Variants in VRK3 observed in about 807,000 individuals in gnomAD.
VRK3 encodes VRK serine/threonine kinase 3.
Under a neutral mutation model 60.4 loss-of-function variants are expected in VRK3, and 50 were observed. The ratio of observed to expected loss-of-function variants is 0.83; its 90% CI spans 0.66 to 1.05. The LOEUF is 1.05. Among genes scored for constraint, VRK3 ranks in the 50% least tolerant of loss-of-function variants. VRK3 has a pLI of 0.00. For synonymous variants in VRK3, 246 were observed against 227.8 expected, an observed-to-expected ratio of 1.08 and a Z score of -0.72; for missense variants, 549 against 585.3, an observed-to-expected ratio of 0.94 and a Z score of 0.64.
At chr19:49,992,656 A>ATTTT (rs2076631033) in intron 10 of VRK3, among the ~76,000 whole-genome samples, 2 of 152,040 alleles carry the variant, frequency 1.3e-5, no homozygotes, top group African/African-American at 4.8e-5. Context: ...TAGCCTGTGG[A>ATTTT]TTTCTTTTTT....
intron 9 of VRK3, 104 bp downstream of exon 9, chr19:49,994,710 G>A (rs1207418491): frequency 6.8e-6 from 7 of 1,025,348 alleles, no homozygotes; most frequent in Non-Finnish European, 8.6e-6. Context: ...AGTGTGCAGC[G>A]GAGGGGGGTG....
chr19:50,012,692 T>C (rs1002163703), intron 3 of VRK3, among the ~76,000 whole-genome samples: 3 of 150,978 alleles, frequency 2.0e-5, no homozygotes, highest in East Asian at 2.0e-4. Flanking sequence ...CTGGCCAACA[T>C]GGGGAAAGCC....
intron 13 of VRK3, among the ~76,000 whole-genome samples, chr19:49,980,566 A>C (rs1306589839): frequency 2.0e-5 from 3 of 151,934 alleles, no homozygotes; most frequent in African/African-American, 4.8e-5. Flanking sequence ...AAATACAAAA[A>C]ACTAGCCAGG....
chr19:50,017,887 C>T (rs767559512), intron 2 of VRK3, among the ~76,000 whole-genome samples: 13 of 152,156 alleles, frequency 8.5e-5, no homozygotes, highest in Non-Finnish European at 1.6e-4. Context: ...TCTGGAACTC[C>T]TGGCCTCCAG....
At chr19:50,010,164 C>T (rs2076971916) in intron 3 of VRK3, among the ~76,000 whole-genome samples, 1 of 152,032 alleles carries the variant, frequency 6.6e-6, no homozygotes, top group South Asian at 2.1e-4. Flanking sequence ...TACACACATA[C>T]AATCATTAGA....
chr19:49,990,663 G>A (rs1463572972), intron 10 of VRK3, among the ~76,000 whole-genome samples: 3 of 152,090 alleles, frequency 2.0e-5, no homozygotes, highest in African/African-American at 4.8e-5. Flanking sequence ...TTCAATGGCT[G>A]CATCTTATTC....
intron 6 of VRK3, chr19:49,998,976 A>AAAAAT (rs2076752762): frequency 7.0e-6 from 1 of 143,438 alleles, no homozygotes; most frequent in Non-Finnish European, 1.5e-5. Flanking sequence ...AAAAAAAAAA[A>AAAAAT]GCTGGACGTG....
At chr19:50,022,199 C>T (rs139950430) in intron 1 of VRK3, among the ~76,000 whole-genome samples, 40 of 152,302 alleles carry the variant, frequency 2.6e-4, no homozygotes, top group Non-Finnish European at 4.7e-4. Flanking sequence ...AACGAAAACG[C>T]AAAACCGGAC....
chr19:50,021,374 TC>T (rs1308836177), intron 1 of VRK3, among the ~76,000 whole-genome samples: 1 of 152,126 alleles, frequency 6.6e-6, no homozygotes, highest in East Asian at 1.9e-4. Flanking sequence ...CCATGAGACT[TC>T]CCAGGCTGGG....
intron 4 of VRK3, among the ~76,000 whole-genome samples, chr19:50,008,275 T>C (rs963233057): frequency 6.6e-6 from 1 of 151,858 alleles, no homozygotes; most frequent in Non-Finnish European, 1.5e-5. Flanking sequence ...AGTCCTGAGA[T>C]AGAAAAGGGC....
chr19:49,977,873 C>T (rs2076357593), intron 14 of VRK3, among the ~76,000 whole-genome samples: 1 of 152,138 alleles, frequency 6.6e-6, no homozygotes, highest in African/African-American at 2.4e-5. Context: ...AAAAGAGTCC[C>T]CACCCCTCAC....
chr19:49,997,401 A>G (rs1019669074), intron 7 of VRK3, 103 bp downstream of exon 7: 4 of 1,331,044 alleles, frequency 3.0e-6, no homozygotes, highest in Non-Finnish European at 4.2e-6. Context: ...TGGGCCTTTA[A>G]TCTAAGCCCA....
At chr19:49,982,078 C>T (rs2076433762) in intron 12 of VRK3, 1 of 700,844 alleles carries the variant, frequency 1.4e-6, no homozygotes, top group South Asian at 1.5e-5. Flanking sequence ...TCTGGGTCAA[C>T]CACACGGAGG....
intron 3 of VRK3, chr19:50,015,809 A>G: frequency 1.6e-6 from 1 of 612,486 alleles, no homozygotes; most frequent in Non-Finnish European, 2.8e-6. Context: ...GATAGAAATG[A>G]AGGAGATGTT....
intron 6 of VRK3, chr19:50,000,073 G>A (rs957465762): frequency 6.6e-6 from 1 of 152,330 alleles, no homozygotes; most frequent in African/African-American, 2.4e-5. Context: ...CTAGGGCGGA[G>A]GGAGGGCAAC....
intron 10 of VRK3, among the ~76,000 whole-genome samples, chr19:49,992,276 G>A (rs544891420): frequency 1.0e-3 from 154 of 152,240 alleles, no homozygotes; most frequent in South Asian, 2.1e-3. Context: ...GCGTAGTGGC[G>A]CATGCCTGTA....
At chr19:50,019,568 G>A (rs903915126) in intron 2 of VRK3, among the ~76,000 whole-genome samples, 1 of 150,756 alleles carries the variant, frequency 6.6e-6, no homozygotes, top group Non-Finnish European at 1.5e-5. Flanking sequence ...GGAGTGCAAT[G>A]GCATGATCAT....
At chr19:49,979,449 G>C (rs1292341205) in intron 13 of VRK3, among the ~76,000 whole-genome samples, 1 of 152,200 alleles carries the variant, frequency 6.6e-6, no homozygotes, top group Non-Finnish European at 1.5e-5. Context: ...GGCACCAGTA[G>C]AAGGGCATGA....
chr19:50,004,396 A>G (rs2076859527), intron 5 of VRK3, among the ~76,000 whole-genome samples: 1 of 151,068 alleles, frequency 6.6e-6, no homozygotes, highest in African/African-American at 2.4e-5. Context: ...CCTTCTCATC[A>G]TGATCCCTTC....
Sources: gnomAD v4.1 joint callset for allele counts (sites outside exome capture counted in the v4.1 genomes callset) on GRCh38, gnomAD v4.1.1 for gene constraint, MANE v1.5 for transcripts, NCBI Gene and HGNC (gene_info 2026-07-23, HGNC 2026-07-21) for gene names.